FGD6: variants seen among roughly 807,000 people sequenced by gnomAD.
The protein encoded by FGD6 is FYVE, RhoGEF and PH domain-containing protein 6.
A neutral mutation model predicts 149.4 loss-of-function variants in FGD6; 90 were observed. The observed-to-expected ratio is 0.60, with a 90% CI of 0.51 to 0.72. The LOEUF is 0.72. FGD6 is among the 30% of genes least tolerant of loss of function. FGD6 has a pLI of 0.00. For missense variants in FGD6, 1,437 were observed against 1,684.8 expected (o/e 0.85, Z 2.57); for synonymous variants, 527 against 584.0 (o/e 0.90, Z 1.41).
chr12:95,142,129 G>A (rs998222267), intron 5 of FGD6, among the ~76,000 whole-genome samples: 3 of 147,464 alleles, frequency 2.0e-5, no homozygotes, highest in African/African-American at 7.5e-5. Context: ...CACCATGCCA[G>A]GCTCACTTTT....
At chr12:95,102,476 C>T (rs1456523406) in intron 14 of FGD6, among the ~76,000 whole-genome samples, 1 of 133,280 alleles carries the variant, frequency 7.5e-6, no homozygotes, top group East Asian at 2.2e-4. Context: ...AACACAACAA[C>T]AATAAAGGAA....
intron 2 of FGD6, among the ~76,000 whole-genome samples, chr12:95,196,421 G>A (rs1188343366): frequency 2.6e-5 from 4 of 151,840 alleles, no homozygotes; most frequent in African/African-American, 7.3e-5. Flanking sequence ...TAGTAGAGAC[G>A]GGGTTTCACT....
At chr12:95,107,700 C>A (rs574684184) in intron 11 of FGD6, 69 bp from the exon 12 acceptor site, 1 of 1,536,572 alleles carries the variant, frequency 6.5e-7, no homozygotes, top group East Asian at 2.3e-5. Flanking sequence ...ATTTCCTTTT[C>A]AACTTTCTTC....
intron 2 of FGD6, among the ~76,000 whole-genome samples, chr12:95,197,935 T>C (rs111582491): frequency 0.01 from 1,576 of 152,276 alleles, 21 homozygotes; most frequent in African/African-American, 0.035. Flanking sequence ...AAACACCTAT[T>C]ACCTAACCAC....
intron 14 of FGD6, among the ~76,000 whole-genome samples, chr12:95,095,817 C>T (rs1878215496): frequency 6.6e-6 from 1 of 151,996 alleles, no homozygotes; most frequent in African/African-American, 2.4e-5. Flanking sequence ...AGTTCGAGAC[C>T]AGCATGGCCA....
intron 3 of FGD6, among the ~76,000 whole-genome samples, chr12:95,164,726 C>A (rs1880747574): frequency 1.3e-5 from 2 of 152,076 alleles, no homozygotes; most frequent in African/African-American, 4.8e-5. Flanking sequence ...GCACCATGCC[C>A]AGCCTATCCA....
chr12:95,184,582 T>A (rs777953185), intron 2 of FGD6, among the ~76,000 whole-genome samples: 5 of 3,148 alleles, frequency 1.6e-3, no homozygotes, highest in African/African-American at 8.4e-3. Flanking sequence ...TTCCTGCACG[T>A]TTTTTTTTTT....
rs1491167311 is a variant in FGD6, at chr12:95,121,481, G to GTGTA, written c.3083-7781_3083-7780insTACA. On this transcript the variant is annotated intron_variant, in intron 8 of 20. Transcript: ENST00000343958. ...AAAAAAAAGATATATATATATATATGTATATATATATATATATATATTCCT... is the reference window on the plus strand; with the variant it reads ...AAAAAAAAGATATATATATATATATGTGTATATATATATATATATATATATTCCT... 5.3e-4 allele frequency among the ~76,000 whole-genome samples: 64 copies of GTGTA among 121,884 alleles called. 2 individuals are homozygous for GTGTA. Among genetic ancestry groups the GTGTA allele is most frequent in the African/African-American group, 1.9e-3 (57 of 29,830 alleles). The allele number at this position is 121,884 out of a possible 152,430, so 80.0% of individuals were successfully genotyped here.
Position 95,142,982 on chromosome 12 carries a change from T to C in FGD6, c.2686-1443A>G, listed in dbSNP as rs57077861. Among the ~76,000 whole-genome samples, 1,004 of 152,292 alleles carry C rather than the reference T, an allele frequency of 6.6e-3. 13 individuals carry two copies. The highest frequency in any genetic ancestry group is 0.024 in the African/African-American group (985 of 41,550). Reference sequence around the variant, plus strand: ...GGTAGGAGATAAGTATTTGCCTAGATTTCATTGTCCCCTAAGGGTGGGCCT... The same window carrying C: ...GGTAGGAGATAAGTATTTGCCTAGACTTCATTGTCCCCTAAGGGTGGGCCT... On this transcript the variant is annotated intron_variant, in intron 5 of 20. Transcript: ENST00000343958.
At chr12:95,215,990 TA>T (rs1442022672) in intron 1 of FGD6, among the ~76,000 whole-genome samples, 2 of 152,250 alleles carry the variant, frequency 1.3e-5, no homozygotes, top group Non-Finnish European at 2.9e-5. Context: ...TTACCTTATG[TA>T]AGTATAAAGC....
At chr12:95,150,048 A>G (rs1200637945) in intron 5 of FGD6, among the ~76,000 whole-genome samples, 1 of 138,148 alleles carries the variant, frequency 7.2e-6, no homozygotes, top group Non-Finnish European at 1.5e-5. Flanking sequence ...TTTTTTTGAG[A>G]GGGAGTTTCG....
At chr12:95,158,235 T>C (rs1264403452) in intron 3 of FGD6, among the ~76,000 whole-genome samples, 1 of 150,466 alleles carries the variant, frequency 6.6e-6, no homozygotes, top group Non-Finnish European at 1.5e-5. Flanking sequence ...TGGCGTGATC[T>C]TGGCTCACTG....
rs369719840 is a variant in FGD6 at position 95,210,844 on chromosome 12, A to G, written c.440T>C (p.Ile147Thr). The G allele has an allele frequency of 2.0e-5, 32 of 1,610,430 alleles. No homozygotes were observed. Among genetic ancestry groups the G allele is most frequent in the Non-Finnish European group, 2.7e-5 (32 of 1,179,260 alleles). The change falls in exon 2 of 21, where the codon ATT becomes ACT. Residue 147 changes from isoleucine (I) to threonine (T), a missense_variant. Ile to Thr is a moderately conservative substitution (Grantham distance 89). Around this residue, in one of 2 missense-constraint regions of FGD6, gnomAD observed 1,055 missense variants for 1,146.0 expected, o/e 0.92. Coordinates refer to ENST00000343958, the MANE Select transcript of FGD6 (RefSeq NM_018351.4). The stretch of plus-strand genomic sequence containing the variant: ...AGTTTTTATAGTCAAAGTCTCATCA[A>G]TTTTACTGTTTTCTAAATTTTCATT... ...EMNENLENSK[I>T]DETLTIKTRS...
intron 5 of FGD6, among the ~76,000 whole-genome samples, chr12:95,142,648 G>A (rs923096083): frequency 1.3e-5 from 2 of 152,170 alleles, no homozygotes; most frequent in African/African-American, 4.8e-5. Flanking sequence ...CCTTGGGCCA[G>A]CCTGATTTCC....
intron 9 of FGD6, among the ~76,000 whole-genome samples, chr12:95,109,568 T>TAA (rs11439615): frequency 4.0e-5 from 6 of 151,612 alleles, no homozygotes; most frequent in South Asian, 4.2e-4. Flanking sequence ...AAAGGACTAT[T>TAA]AAAAAAAAGA....
chr12:95,105,126 T>G, intron 13 of FGD6, 40 bp from the exon 14 acceptor site: 1 of 1,555,566 alleles, frequency 6.4e-7, no homozygotes, highest in East Asian at 2.2e-5. Context: ...CTCATCCTAC[T>G]GAAAACCATA....
At chr12:95,165,733 G>A (rs1406375843) in intron 3 of FGD6, among the ~76,000 whole-genome samples, 1 of 151,254 alleles carries the variant, frequency 6.6e-6, no homozygotes, top group Non-Finnish European at 1.5e-5. Flanking sequence ...CATTTCCTAG[G>A]TTCAAGTGAT....
At chr12:95,088,852 G>A (rs749218270) in intron 18 of FGD6, among the ~76,000 whole-genome samples, 1 of 151,892 alleles carries the variant, frequency 6.6e-6, no homozygotes, top group African/African-American at 2.4e-5. Flanking sequence ...ACATGATCTT[G>A]ATCAAATTTT....
chr12:95,101,793 C>T (rs1276284151), intron 14 of FGD6, among the ~76,000 whole-genome samples: 2 of 150,900 alleles, frequency 1.3e-5, no homozygotes, highest in African/African-American at 2.4e-5. Context: ...AGCAATTCTC[C>T]TGCCTCAGTC....
Sources: gnomAD v4.1 joint callset for allele counts (sites outside exome capture counted in the v4.1 genomes callset) on GRCh38, gnomAD v4.1.1 for gene constraint, gnomAD v4.1.1 regional missense constraint, MANE v1.5 for transcripts, NCBI Gene and HGNC (gene_info 2026-07-23, HGNC 2026-07-21) for gene names.